Variants in MINAR1 observed in about 807,000 individuals in gnomAD.
MINAR1 encodes membrane integral NOTCH2 associated receptor 1, also known as major intrinsically disordered Notch2-binding receptor 1.
Under a neutral mutation model 65.1 loss-of-function variants are expected in MINAR1, and 40 were observed. The ratio of observed to expected loss-of-function variants is 0.61; its 90% CI spans 0.48 to 0.80. The LOEUF (loss-of-function observed/expected upper bound fraction) is 0.80. MINAR1 is among the 30% of genes least tolerant of loss of function. MINAR1 has a pLI of 0.00. For missense variants in MINAR1, 1,128 were observed against 1,148.0 expected (o/e 0.98, Z 0.25); for synonymous variants, 482 against 449.1 (o/e 1.07, Z -0.93).
intron 1 of MINAR1, among the ~76,000 whole-genome samples, chr15:79,436,186 G>A (rs1894594515): frequency 6.6e-6 from 1 of 152,190 alleles, no homozygotes; most frequent in Admixed American, 6.5e-5. Context: ...GAAATCTGGG[G>A]ATTATTTGTT....
chr15:79,421,239 C>T, the MINAR1 span: 5 of 152,164 alleles, frequency 3.3e-5, no homozygotes, highest in Admixed American at 6.5e-5. Context: ...ATGAAAGTTT[C>T]TGAATACTTA....
chr15:79,459,188 A>G (rs927097099), intron 2 of MINAR1, among the ~76,000 whole-genome samples: 1 of 152,166 alleles, frequency 6.6e-6, no homozygotes, highest in Non-Finnish European at 1.5e-5. Flanking sequence ...AGAAAAAAAA[A>G]GATAAGAAAG....
chr15:79,452,533 AGTGT>A (rs1295739355), intron 1 of MINAR1, among the ~76,000 whole-genome samples: 4 of 142,186 alleles, frequency 2.8e-5, no homozygotes, highest in African/African-American at 5.4e-5. Flanking sequence ...TGACTGGGTG[AGTGT>A]GTGGGTGTGT....
At chr15:79,442,251 G>A (rs1360345200) in intron 1 of MINAR1, among the ~76,000 whole-genome samples, 1 of 151,976 alleles carries the variant, frequency 6.6e-6, no homozygotes, top group Non-Finnish European at 1.5e-5. Flanking sequence ...TCAATGGCAA[G>A]AAGTGGGGCT....
chr15:79,462,505 G>A (rs1895683444), intron 2 of MINAR1, among the ~76,000 whole-genome samples: 1 of 152,110 alleles, frequency 6.6e-6, no homozygotes, highest in Non-Finnish European at 1.5e-5. Context: ...CTGCTGCCTG[G>A]GAAAATCACT....
chr15:79,432,716 G>T (rs1362439783), intron 1 of MINAR1, among the ~76,000 whole-genome samples, 176 bp downstream of exon 1: 1 of 152,236 alleles, frequency 6.6e-6, no homozygotes, highest in Non-Finnish European at 1.5e-5. Context: ...GGCCGCGGAG[G>T]TGTGGGGGCC....
chr15:79,461,212 C>G (rs961560662), intron 2 of MINAR1, among the ~76,000 whole-genome samples: 1 of 152,238 alleles, frequency 6.6e-6, no homozygotes, highest in South Asian at 2.1e-4. Context: ...AACTTTCCAT[C>G]TTAGAAGTGA....
In MINAR1 at chr15:79,469,472, T is replaced by TACTCCAGAGTTTTGAATACTTGTC. The variant is rs1359687180; in HGVS notation, c.*1090_*1113dup. 2.0e-4 allele frequency: 30 copies of TACTCCAGAGTTTTGAATACTTGTC among 152,648 alleles called. No individual in the cohort carries two copies. The highest frequency in any genetic ancestry group is 8.5e-4 in the Admixed American group (13 of 15,290). 9.5% of individuals were successfully genotyped at this position (152,648 alleles called of 1,614,324 possible). On this transcript the variant is annotated 3_prime_UTR_variant, in exon 4 of 4. Transcript: ENST00000305428. ...AGGTCTTCTCAGTTACCCCAACACC[T>TACTCCAGAGTTTTGAATACTTGTC]ACTCCAGAGTTTTGAATACTTGTCA...
At chr15:79,414,788 G>C in the MINAR1 span, 2 of 152,224 alleles carry the variant, frequency 1.3e-5, no homozygotes, top group Non-Finnish European at 2.9e-5. Context: ...AGTAAGACCC[G>C]ATCAAATTGG....
the MINAR1 span, chr15:79,415,988 T>C: frequency 6.6e-6 from 1 of 152,244 alleles, no homozygotes; most frequent in African/African-American, 2.4e-5. Flanking sequence ...TTCCAATTCT[T>C]GTTCATATGC....
chr15:79,469,171 TC>T lies in MINAR1; in HGVS notation c.*789del, dbSNP rs1442376691. Reference sequence around the variant, plus strand: ...GTCAGTATTTGAAAATCATGGCCACTCCAAAGGATCTCCTGTTCTTGCTTTG... The same window carrying T: ...GTCAGTATTTGAAAATCATGGCCACTCAAAGGATCTCCTGTTCTTGCTTTG... On this transcript the variant is annotated 3_prime_UTR_variant, in exon 4 of 4. Coordinates refer to ENST00000305428, the MANE Select transcript of MINAR1 (RefSeq NM_015206.3). 6.6e-6 allele frequency: 1 copy of T among 152,666 alleles called. No homozygotes were observed. The highest frequency in any genetic ancestry group is 2.4e-5 in the African/African-American group (1 of 41,462). 9.5% of individuals were successfully genotyped at this position (152,666 alleles called of 1,614,324 possible).
intron 2 of MINAR1, 41 bp downstream of exon 2, chr15:79,458,486 A>G (rs751905029): frequency 3.8e-6 from 6 of 1,584,782 alleles, no homozygotes; most frequent in Non-Finnish European, 5.1e-6. Flanking sequence ...CACCAGCTTC[A>G]TCATAGCCCT....
At chr15:79,413,496 A>G in the MINAR1 span, 15 of 152,360 alleles carry the variant, frequency 9.8e-5, no homozygotes, top group African/African-American at 3.6e-4. Flanking sequence ...TTCTTGACTG[A>G]AATAATCACC....
chr15:79,411,733 C>T, the MINAR1 span: 2 of 486,030 alleles, frequency 4.1e-6, no homozygotes, highest in South Asian at 2.6e-5. Flanking sequence ...GACACTTGAG[C>T]TGGCAGGGAG....
At chr15:79,431,869 C>T (rs1387652504), upstream of MINAR1, among the ~76,000 whole-genome samples, 3 of 152,220 alleles carry the variant, frequency 2.0e-5, no homozygotes, top group Non-Finnish European at 4.4e-5. Flanking sequence ...CACCGCCTTC[C>T]CGGGGCTCCG....
In MINAR1 at chr15:79,448,533, A is replaced by G. The variant is rs1895084771; in HGVS notation, c.-50-7565A>G. Among the ~76,000 whole-genome samples, 3 of 152,252 alleles carry G rather than the reference A, an allele frequency of 2.0e-5. No individual in the cohort carries two copies. The South Asian group carries it at 6.2e-4, about 31-fold the overall frequency. Reference sequence around the variant, plus strand: ...CAGAAGCAAGACAAAATTCAAAACAAGCAGGCCAACACCGACGCAGGAATT... The same window carrying G: ...CAGAAGCAAGACAAAATTCAAAACAGGCAGGCCAACACCGACGCAGGAATT... On this transcript the variant is annotated intron_variant, in intron 1 of 3. Coordinates refer to ENST00000305428, the MANE Select transcript of MINAR1 (RefSeq NM_015206.3).
chr15:79,427,122 T>C, the MINAR1 span: 1 of 152,176 alleles, frequency 6.6e-6, no homozygotes, highest in African/African-American at 2.4e-5. Context: ...TGCAGGGACA[T>C]GGATGGAGCT....
chr15:79,458,569 C>T (rs1895528059), intron 2 of MINAR1, 124 bp downstream of exon 2: 1 of 1,204,860 alleles, frequency 8.3e-7, no homozygotes, highest in Non-Finnish European at 1.1e-6. Flanking sequence ...GTCATCCTTC[C>T]AGGTTTGGCA....
At chr15:79,432,866 A>C (rs1481211938) in intron 1 of MINAR1, among the ~76,000 whole-genome samples, 1 of 152,226 alleles carries the variant, frequency 6.6e-6, no homozygotes, top group Non-Finnish European at 1.5e-5. Flanking sequence ...TTCCTGGTTG[A>C]GCATCGCTTC....
Sources: gnomAD v4.1 joint callset for allele counts (sites outside exome capture counted in the v4.1 genomes callset) on GRCh38, gnomAD v4.1.1 for gene constraint, MANE v1.5 for transcripts, NCBI Gene and HGNC (gene_info 2026-07-23, HGNC 2026-07-21) for gene names.